ICMT: variants seen among roughly 807,000 people sequenced by gnomAD.
The protein encoded by ICMT is isoprenylcysteine carboxyl methyltransferase, also known as protein-S-isoprenylcysteine O-methyltransferase.
In ICMT, 10 loss-of-function variants were observed where a neutral mutation model predicts 32.2. The observed-to-expected ratio is 0.31, with a 90% CI of 0.19 to 0.53. The LOEUF (loss-of-function observed/expected upper bound fraction) is 0.53. ICMT is among the 20% of genes least tolerant of loss of function. The pLI, the probability that ICMT is intolerant of heterozygous loss-of-function variation, is 0.96. For missense variants in ICMT, 265 were observed against 356.9 expected (o/e 0.74, Z 2.07); for synonymous variants, 183 against 158.2 (o/e 1.16, Z -1.18).
At chr1:6,232,415 G>A (rs937670575) in intron 3 of ICMT, among the ~76,000 whole-genome samples, 5 of 152,202 alleles carry the variant, frequency 3.3e-5, no homozygotes, top group Admixed American at 2.6e-4. Flanking sequence ...CACATGCTCA[G>A]TCCTTCATCT....
chr1:6,235,497 C>T (rs1303366796), intron 1 of ICMT, among the ~76,000 whole-genome samples: 2 of 152,162 alleles, frequency 1.3e-5, no homozygotes, highest in East Asian at 1.9e-4. Context: ...ACCCCACGCG[C>T]ACCTGCTGAG....
Position 6,235,721 on chromosome 1 carries a change from T to C in ICMT, c.191A>G (p.Tyr64Cys). ...CCGGCCCCCGCCGGCCTGCACCTGG[T>C]AGCGAGGCGGCCGATAGAGCAGCAG... ...LLLLLYRPPR[Y>C]QIAIRACFLG... is the part of the protein sequence containing the mutation. Residue 64 changes from tyrosine (Y) to cysteine (C), a missense_variant, in exon 1 of 5, where the codon TAC becomes TGC. Tyr to Cys is a radical substitution (Grantham distance 194). This residue lies in a region of ICMT where 99 missense variants were observed against 92.6 expected (regional missense o/e 1.07). Transcript: ENST00000343813. 1 of 1,280,956 alleles carries C rather than the reference T, an allele frequency of 7.8e-7. No homozygotes were observed. Among genetic ancestry groups the C allele is most frequent in the Non-Finnish European group, 1.0e-6 (1 of 1,004,966 alleles). The allele number at this position is 1,280,956 out of a possible 1,614,324, so 79.3% of individuals were successfully genotyped here. A position where few individuals can be genotyped will look rare whatever the true frequency, so the allele number is the denominator to read the frequency against.
In ICMT at chr1:6,230,049, G is replaced by C. The variant is rs528524842; in HGVS notation, c.672+1853C>G. 7.2e-4 allele frequency among the ~76,000 whole-genome samples: 110 copies of C among 151,854 alleles called. 1 individual carries two copies. In the South Asian group the frequency reaches 0.022, roughly 31 times the overall value. ...TGCCTGGCCTAATCCCAGCACTTTAGAAGGCCAAGGTAGGAGGATGGCTTG... is the reference window on the plus strand; with the variant it reads ...TGCCTGGCCTAATCCCAGCACTTTACAAGGCCAAGGTAGGAGGATGGCTTG... On this transcript the variant is annotated intron_variant, in intron 4 of 4. Transcript: ENST00000343813.
intron 2 of ICMT, chr1:6,234,347 C>A: frequency 2.6e-6 from 1 of 391,518 alleles, no homozygotes. Flanking sequence ...TGAAATAATT[C>A]CGGCAAAGAA....
intron 3 of ICMT, among the ~76,000 whole-genome samples, chr1:6,233,148 C>A (rs1668763944): frequency 6.6e-6 from 1 of 152,224 alleles, no homozygotes; most frequent in Non-Finnish European, 1.5e-5. Context: ...GCCACCGTGC[C>A]CGGCCAGTAA....
chr1:6,231,471 C>T (rs1668735863), intron 4 of ICMT, among the ~76,000 whole-genome samples: 1 of 151,610 alleles, frequency 6.6e-6, no homozygotes, highest in African/African-American at 2.4e-5. Context: ...CTTTGCGAGG[C>T]TGAGGTGGGA....
rs1668561936 is a variant in ICMT at position 6,221,981 on chromosome 1, G to A, written c.*3099C>T. On this transcript the variant is annotated 3_prime_UTR_variant, in exon 5 of 5. Coordinates refer to ENST00000343813, the MANE Select transcript of ICMT (RefSeq NM_012405.4). ...TTAAATCGAGAAAATTGGTGATGTGGCCTTGGCAGCAAATACCCAGAAAGC... is the reference window on the plus strand; with the variant it reads ...TTAAATCGAGAAAATTGGTGATGTGACCTTGGCAGCAAATACCCAGAAAGC... 1 of 152,236 alleles carries A rather than the reference G, an allele frequency of 6.6e-6. No homozygotes were observed. Among genetic ancestry groups the A allele is most frequent in the Non-Finnish European group, 1.5e-5 (1 of 68,042 alleles). 9.4% of individuals were successfully genotyped at this position (152,236 alleles called of 1,614,324 possible).
chr1:6,234,240 C>T (rs553697901), intron 2 of ICMT, among the ~76,000 whole-genome samples: 5 of 152,276 alleles, frequency 3.3e-5, no homozygotes, highest in Admixed American at 2.6e-4. Context: ...ATGGGCCCTT[C>T]TGTCCGTTAA....
chr1:6,235,673 G>A (rs1668812419), intron 1 of ICMT, 44 bp downstream of exon 1: 3 of 1,131,642 alleles, frequency 2.7e-6, no homozygotes, highest in East Asian at 4.6e-5. Flanking sequence ...CAAGCGGACC[G>A]CCGCCCGCCC....
intron 4 of ICMT, among the ~76,000 whole-genome samples, chr1:6,227,352 T>C (rs1668660469): frequency 6.6e-6 from 1 of 152,212 alleles, no homozygotes; most frequent in African/African-American, 2.4e-5. Context: ...AAATTGTAAA[T>C]GCTATGTGAT....
In ICMT at chr1:6,233,655, C is replaced by CA. The variant is rs1557603478; in HGVS notation, c.285-13dup. 5.6e-6 allele frequency: 9 copies of CA among 1,601,936 alleles called. No homozygotes were observed. Among genetic ancestry groups the CA allele is most frequent in the Admixed American group, 3.5e-5 (2 of 57,326 alleles). On this transcript the variant is annotated splice_polypyrimidine_tract_variant and intron_variant, in intron 2 of 4. Transcript: ENST00000343813. ...GGGAGCACATGTACCTATTTAAAGA[C>CA]AAAAAGAGAGTTAAGTTGGGACAAG...
At chr1:6,234,165 G>A (rs1166040915) in intron 2 of ICMT, among the ~76,000 whole-genome samples, 1 of 152,148 alleles carries the variant, frequency 6.6e-6, no homozygotes, top group Non-Finnish European at 1.5e-5. Flanking sequence ...GTGAGCCACC[G>A]CGCCCGGCAA....
intron 4 of ICMT, among the ~76,000 whole-genome samples, chr1:6,229,268 TG>T (rs1328472519): frequency 2.6e-5 from 4 of 152,036 alleles, no homozygotes; most frequent in Non-Finnish European, 2.9e-5. Flanking sequence ...CACCTGAGGT[TG>T]GGAGTTCGAG....
intron 2 of ICMT, among the ~76,000 whole-genome samples, chr1:6,233,893 G>C (rs1165502074): frequency 3.3e-5 from 5 of 152,148 alleles, no homozygotes; most frequent in African/African-American, 7.2e-5. Flanking sequence ...GTGTCGCCCA[G>C]GCTGGAATGC....
At position 6,224,308 on chromosome 1, in the gene ICMT, C is replaced by T. The variant is rs535523499; in HGVS notation, c.*772G>A. On this transcript the variant is annotated 3_prime_UTR_variant, in exon 5 of 5. Transcript: ENST00000343813. ...GCTCCTTTGAGCCGCCTATCACTGA[C>T]AACAGGAGCTGAGACCCCCGGGAAA... 1 of 152,328 alleles carries T rather than the reference C, an allele frequency of 6.6e-6. No homozygotes were observed. The highest frequency in any genetic ancestry group is 2.1e-4 in the South Asian group (1 of 4,826). 9.4% of individuals were successfully genotyped at this position (152,328 alleles called of 1,614,324 possible). A position where few individuals can be genotyped will look rare whatever the true frequency, so the allele number is the denominator to read the frequency against.
At chr1:6,228,699 A>G (rs1173232356) in intron 4 of ICMT, among the ~76,000 whole-genome samples, 3 of 151,942 alleles carry the variant, frequency 2.0e-5, no homozygotes, top group Non-Finnish European at 4.4e-5. Flanking sequence ...GGTCTCCCAA[A>G]GCCACTGTGC....
In ICMT at chr1:6,235,908, C is replaced by A. The variant is rs1320659076; in HGVS notation, c.4G>T (p.Ala2Ser). Residue 2 changes from alanine (A) to serine (S), a missense_variant, in exon 1 of 5, where the codon GCG (alanine) becomes TCG (serine). Coordinates refer to ENST00000343813, the MANE Select transcript of ICMT (RefSeq NM_012405.4). The stretch of plus-strand genomic sequence containing the variant: ...GGCGGAGCCCGCGCCGCGCAGCCCG[C>A]CATGGCGCCGGGCGGCGGACTAGCG... M[A>S]GCAARAPPGS... 2.7e-6 allele frequency: 3 copies of A among 1,121,204 alleles called. No homozygotes were observed. Among genetic ancestry groups the A allele is most frequent in the Non-Finnish European group, 3.3e-6 (3 of 918,260 alleles). The allele number at this position is 1,121,204 out of a possible 1,614,324, so 69.5% of individuals were successfully genotyped here. A position where few individuals can be genotyped will look rare whatever the true frequency, so the allele number is the denominator to read the frequency against.
chr1:6,223,782 G>C lies in ICMT; in HGVS notation c.*1298C>G, dbSNP rs1294148936. The C allele has an allele frequency of 6.6e-6, 1 of 152,264 alleles. No individual in the cohort carries two copies. Among genetic ancestry groups the C allele is most frequent in the Non-Finnish European group, 1.5e-5 (1 of 68,060 alleles). The allele number at this position is 152,264 out of a possible 1,614,324, so 9.4% of individuals were successfully genotyped here. On this transcript the variant is annotated 3_prime_UTR_variant, in exon 5 of 5. Coordinates refer to ENST00000343813, the MANE Select transcript of ICMT (RefSeq NM_012405.4). ...AGGCCGCGTGGTGGGGCAGCAGAGT[G>C]GTGCTCTGGCCCCGCGCCGACGCCG...
chr1:6,225,202 G>T lies in ICMT; in HGVS notation c.733C>A (p.Arg245Ser). Reference protein sequence around the residue: ...SYALTVWRFFRDRTEEEEISL... With the variant: ...SYALTVWRFFSDRTEEEEISL... Reference sequence around the variant, plus strand: ...ATTTCTTCTTCTTCTGTTCGATCGCGGAAGAATCGCCACACTGTCAGGGCA... The same window carrying T: ...ATTTCTTCTTCTTCTGTTCGATCGCTGAAGAATCGCCACACTGTCAGGGCA... The change falls in exon 5 of 5, where the codon CGC becomes AGC. Residue 245 changes from arginine (R) to serine (S), a missense_variant. Physicochemically the swap from Arg to Ser is moderately radical, Grantham distance 110. This residue lies in a region of ICMT where 166 missense variants were observed against 264.3 expected (regional missense o/e 0.63). Transcript: ENST00000343813. 6.2e-7 allele frequency: 1 copy of T among 1,614,036 alleles called. No individual in the cohort carries two copies. Among genetic ancestry groups the T allele is most frequent in the Non-Finnish European group, 8.5e-7 (1 of 1,180,006 alleles).
Sources: gnomAD v4.1 joint callset for allele counts (sites outside exome capture counted in the v4.1 genomes callset) on GRCh38, gnomAD v4.1.1 for gene constraint, gnomAD v4.1.1 regional missense constraint, MANE v1.5 for transcripts, NCBI Gene and HGNC (gene_info 2026-07-23, HGNC 2026-07-21) for gene names.